STAU2: variants seen among roughly 807,000 people sequenced by gnomAD.
STAU2 encodes the protein staufen double-stranded RNA binding protein 2.
Under a neutral mutation model 65.9 loss-of-function variants are expected in STAU2, and 20 were observed. The ratio of observed to expected loss-of-function variants is 0.30; its 90% confidence interval spans 0.21 to 0.44. The LOEUF (loss-of-function observed/expected upper bound fraction) is 0.44. Among genes scored for constraint, STAU2 ranks in the 20% least tolerant of loss-of-function variants. The pLI is 1.00. For synonymous variants in STAU2, 232 were observed against 233.9 expected (o/e 0.99, Z 0.07); for missense variants, 558 against 683.9 (o/e 0.82, Z 2.05).
chr8:73,618,896 C>G (rs528040962), intron 6 of STAU2, among the ~76,000 whole-genome samples: 1 of 152,262 alleles, frequency 6.6e-6, no homozygotes, highest in East Asian at 1.9e-4. Flanking sequence ...GGTTTCGGAA[C>G]TAAACAACTG....
intron 1 of STAU2, among the ~76,000 whole-genome samples, 165 bp from the exon 2 acceptor site, chr8:73,740,033 C>T (rs1806730717): frequency 6.6e-6 from 1 of 152,202 alleles, no homozygotes; most frequent in Non-Finnish European, 1.5e-5. Context: ...AGAAAAGCCT[C>T]TGGCCAACAG....
rs568618630 is a variant in STAU2 at position 73,420,458 on chromosome 8, T to TC, written c.*913dup. On this transcript the variant is annotated 3_prime_UTR_variant, in exon 15 of 15. Coordinates refer to ENST00000524300, the MANE Select transcript of STAU2 (RefSeq NM_001164380.2). ...CGGAGCGTGGCTGGCTGGAAGCAAC[T>TC]CCAACAGGTTTTTCCCTTCCCCGTC... is the stretch of plus-strand genomic sequence containing the variant. 3.4e-4 allele frequency: 96 copies of TC among 284,530 alleles called. No homozygotes were observed. In the Middle Eastern group the frequency reaches 4.1e-3, roughly 12 times the overall value. 17.6% of individuals were successfully genotyped at this position (284,530 alleles called of 1,614,324 possible).
At chr8:73,735,553 A>G (rs1806374736) in intron 3 of STAU2, among the ~76,000 whole-genome samples, 2 of 152,172 alleles carry the variant, frequency 1.3e-5, no homozygotes, top group Admixed American at 6.5e-5. Flanking sequence ...AGCATTTTGG[A>G]TTTTCGATTT....
At chr8:73,651,309 C>A in intron 6 of STAU2, 1 of 675,096 alleles carries the variant, frequency 1.5e-6, no homozygotes. Context: ...GCCTTCACCA[C>A]GGAGCAGGTC....
rs1479645098 is a variant in STAU2, at chr8:73,642,668, C to T, written c.411-25217G>A. On this transcript the variant is annotated intron_variant, in intron 6 of 14. Coordinates refer to ENST00000524300, the MANE Select transcript of STAU2 (RefSeq NM_001164380.2). Reference sequence around the variant, plus strand: ...CTTTTCTTTATTTTATCTGCTTTAGCCATACAAAGCTAATAAAGATGAAAC... The same window carrying T: ...CTTTTCTTTATTTTATCTGCTTTAGTCATACAAAGCTAATAAAGATGAAAC... Among the ~76,000 whole-genome samples the T allele has an allele frequency of 2.6e-5, 4 of 152,034 alleles. No individual in the cohort carries two copies. In the East Asian group the frequency reaches 7.7e-4, roughly 29 times the overall value.
intron 6 of STAU2, among the ~76,000 whole-genome samples, chr8:73,649,499 A>C (rs1175537136): frequency 6.6e-6 from 1 of 152,150 alleles, no homozygotes; most frequent in Non-Finnish European, 1.5e-5. Context: ...TAGAAATTAT[A>C]AAAAAGATAA....
chr8:73,697,556 TA>T (rs756444052), intron 4 of STAU2: 8 of 152,172 alleles, frequency 5.3e-5, no homozygotes, highest in Non-Finnish European at 1.0e-4. Context: ...CTGTGGTGTA[TA>T]AACTACTCTT....
intron 10 of STAU2, among the ~76,000 whole-genome samples, chr8:73,600,257 C>T (rs1220793405): frequency 2.0e-5 from 3 of 152,180 alleles, no homozygotes; most frequent in Non-Finnish European, 2.9e-5. Flanking sequence ...GCACATGAAA[C>T]GCTGAAAACA....
chr8:73,703,116 C>T (rs1820238313), intron 4 of STAU2, among the ~76,000 whole-genome samples: 1 of 152,132 alleles, frequency 6.6e-6, no homozygotes, highest in Non-Finnish European at 1.5e-5. Context: ...CGTGTCCCCA[C>T]CCAAATTTCA....
At chr8:73,717,934 TAA>T (rs1821369653) in intron 3 of STAU2, among the ~76,000 whole-genome samples, 1 of 152,348 alleles carries the variant, frequency 6.6e-6, no homozygotes, top group East Asian at 1.9e-4. Context: ...GATTGAAATA[TAA>T]GTCTCTTAAA....
intron 6 of STAU2, chr8:73,669,221 T>C: frequency 1.5e-6 from 1 of 647,000 alleles, no homozygotes; most frequent in Non-Finnish European, 2.8e-6. Context: ...CATGGCTTGG[T>C]AGCTTACTAG....
At chr8:73,608,213 C>T (rs73686850) in intron 9 of STAU2, among the ~76,000 whole-genome samples, 5,268 of 152,038 alleles carry the variant, frequency 0.035, 189 homozygotes, top group East Asian at 0.088. Context: ...TACTTGTAGC[C>T]AGTTAAAACC....
intron 3 of STAU2, among the ~76,000 whole-genome samples, chr8:73,734,471 G>A (rs1048288977): frequency 1.3e-5 from 2 of 152,020 alleles, no homozygotes; most frequent in Non-Finnish European, 2.9e-5. Flanking sequence ...ATTAGTTTTA[G>A]TAACACATAT....
intron 9 of STAU2, among the ~76,000 whole-genome samples, chr8:73,605,878 T>TACACAC (rs58486426): frequency 2.5e-5 from 3 of 117,756 alleles, no homozygotes; most frequent in African/African-American, 9.6e-5. Flanking sequence ...CACACACACA[T>TACACAC]ACACACACAC....
chr8:73,622,559 GC>G (rs1813344034), intron 6 of STAU2, among the ~76,000 whole-genome samples: 1 of 152,160 alleles, frequency 6.6e-6, no homozygotes, highest in African/African-American at 2.4e-5. Flanking sequence ...CTGCCTAACT[GC>G]AGAGTCCAGG....
At chr8:73,595,359 C>T in intron 10 of STAU2, 62 bp from the exon 11 acceptor site, 2 of 1,448,478 alleles carry the variant, frequency 1.4e-6, no homozygotes, top group Non-Finnish European at 1.8e-6. Flanking sequence ...ACAGGAAGTC[C>T]TTACATCATA....
At chr8:73,502,321 G>A (rs567086370) in intron 13 of STAU2, among the ~76,000 whole-genome samples, 3 of 151,886 alleles carry the variant, frequency 2.0e-5, no homozygotes, top group African/African-American at 7.2e-5. Context: ...ATTAACTGTT[G>A]ATACATGTCC....
intron 6 of STAU2, among the ~76,000 whole-genome samples, chr8:73,621,970 T>TC (rs1394463238): frequency 1.3e-5 from 2 of 150,484 alleles, no homozygotes; most frequent in Non-Finnish European, 3.0e-5. Flanking sequence ...TTTTTTTTTT[T>TC]TCCTGAGACG....
chr8:73,435,510 A>G (rs1019302824), intron 13 of STAU2, among the ~76,000 whole-genome samples: 1 of 151,876 alleles, frequency 6.6e-6, no homozygotes, highest in Non-Finnish European at 1.5e-5. Context: ...CTCAGCAGGT[A>G]GCACTCCATA....
Sources: allele counts gnomAD v4.1 joint callset (sites outside exome capture counted in the v4.1 genomes callset), GRCh38; gene constraint gnomAD v4.1.1; transcripts MANE v1.5; gene names NCBI Gene and HGNC (gene_info 2026-07-23, HGNC 2026-07-21).